ARID1B: variants seen among roughly 807,000 people sequenced by gnomAD.
ARID1B encodes the protein AT-rich interactive domain-containing protein 1B.
In ARID1B, 30 loss-of-function variants were observed where a neutral mutation model predicts 212.3. That is an observed-to-expected ratio of 0.14 (90% CI 0.11 to 0.19). The LOEUF is 0.19. ARID1B is among the 10% of genes least tolerant of loss of function. The pLI, the probability that ARID1B is intolerant of heterozygous loss-of-function variation, is 1.00. For synonymous variants in ARID1B, 1,402 were observed against 1,301.7 expected (o/e 1.08, Z -1.66); for missense variants, 2,891 against 3,204.0 (o/e 0.90, Z 2.36).
chr6:157,128,116 G>T (rs917485786), intron 6 of ARID1B, among the ~76,000 whole-genome samples: 1 of 152,088 alleles, frequency 6.6e-6, no homozygotes, highest in African/African-American at 2.4e-5. Flanking sequence ...GACATGCATC[G>T]TTTCTGTATT....
At position 157,133,145 on chromosome 6, in the gene ARID1B, G is replaced by A. The variant is rs748209235; in HGVS notation, c.2699G>A (p.Ser900Asn). ...PGGQMHAGIS[S>N]FQQSNSSGTY... ...GGCCAGATGCATGCTGGAATCAGTA[G>A]CTTTCAGCAGAGTAACTCAAGTGGG... Residue 900 changes from serine (S) to asparagine (N), a missense_variant, in exon 7 of 20, where the codon AGC (serine) becomes AAC (asparagine). Ser to Asn is a conservative substitution (Grantham distance 46). Coordinates refer to ENST00000636930, the MANE Select transcript of ARID1B (RefSeq NM_001374828.1). 5 of 1,614,156 alleles carry A rather than the reference G, an allele frequency of 3.1e-6. No individual in the cohort carries two copies. The highest frequency in any genetic ancestry group is 4.2e-6 in the Non-Finnish European group (5 of 1,180,036).
chr6:156,986,900 CG>C (rs990789451), intron 4 of ARID1B, among the ~76,000 whole-genome samples: 3 of 152,062 alleles, frequency 2.0e-5, no homozygotes, highest in African/African-American at 7.2e-5. Context: ...CAACATAGGC[CG>C]GGTGCGGTGG....
At chr6:156,833,768 T>G (rs1378070190) in intron 2 of ARID1B, among the ~76,000 whole-genome samples, 1 of 152,182 alleles carries the variant, frequency 6.6e-6, no homozygotes, top group East Asian at 1.9e-4. Context: ...TAAAAACAAT[T>G]CAAAACAGGT....
chr6:156,930,412 C>G (rs1249837444), intron 3 of ARID1B, among the ~76,000 whole-genome samples: 1 of 152,230 alleles, frequency 6.6e-6, no homozygotes, highest in East Asian at 1.9e-4. Flanking sequence ...GAAGCAGAAG[C>G]TGCCATGCTT....
chr6:157,073,306 G>A (rs962344773), intron 4 of ARID1B, among the ~76,000 whole-genome samples: 3 of 152,062 alleles, frequency 2.0e-5, no homozygotes, highest in Non-Finnish European at 4.4e-5. Context: ...GTTTCACCGT[G>A]TTGGCCAGGC....
intron 4 of ARID1B, among the ~76,000 whole-genome samples, chr6:157,012,584 A>G (rs1779680659): frequency 6.6e-6 from 1 of 152,214 alleles, no homozygotes; most frequent in African/African-American, 2.4e-5. Flanking sequence ...AGAAGACATT[A>G]TTGGGTTGGT....
intron 1 of ARID1B, among the ~76,000 whole-genome samples, chr6:156,787,625 A>T (rs2115135991): frequency 6.9e-6 from 1 of 145,396 alleles, no homozygotes; most frequent in South Asian, 2.1e-4. Flanking sequence ...TTTATAATAA[A>T]TTCACTCTAA....
intron 4 of ARID1B, among the ~76,000 whole-genome samples, chr6:157,018,672 C>T (rs903647687): frequency 6.6e-6 from 1 of 152,170 alleles, no homozygotes; most frequent in East Asian, 1.9e-4. Flanking sequence ...GTTTCCAGCA[C>T]ATCTCTTTCA....
intron 2 of ARID1B, among the ~76,000 whole-genome samples, chr6:156,865,606 C>G (rs1462183831): frequency 6.6e-6 from 1 of 152,050 alleles, no homozygotes; most frequent in Non-Finnish European, 1.5e-5. Flanking sequence ...TTTTTTATCT[C>G]CCTGTTCTCC....
At chr6:156,976,331 G>T in intron 4 of ARID1B, 1 of 163,020 alleles carries the variant, frequency 6.1e-6, no homozygotes, top group South Asian at 1.5e-4. Flanking sequence ...GCCGAAAAGA[G>T]GCAAACGCTA....
chr6:157,004,910 T>TTTTG (rs1779143906), intron 4 of ARID1B, among the ~76,000 whole-genome samples: 2 of 114,698 alleles, frequency 1.7e-5, no homozygotes, highest in African/African-American at 4.0e-5. Flanking sequence ...TTTTTTTTTT[T>TTTTG]TTTTTTTTTT....
chr6:156,951,237 C>T (rs1368736835), intron 4 of ARID1B, among the ~76,000 whole-genome samples: 1 of 152,060 alleles, frequency 6.6e-6, no homozygotes, highest in African/African-American at 2.4e-5. Flanking sequence ...AGCTGACTTA[C>T]AGTAAAACGT....
chr6:156,800,586 C>T (rs1460195377), intron 1 of ARID1B, among the ~76,000 whole-genome samples: 1 of 151,784 alleles, frequency 6.6e-6, no homozygotes, highest in African/African-American at 2.4e-5. Context: ...AATACTCCAT[C>T]TCAAAAGAAA....
chr6:156,893,777 A>T (rs1788154564), intron 2 of ARID1B, among the ~76,000 whole-genome samples: 2 of 152,216 alleles, frequency 1.3e-5, no homozygotes, highest in African/African-American at 2.4e-5. Flanking sequence ...TATTAAGAAA[A>T]ACCCAGAAAA....
At chr6:156,863,894 G>A (rs1022482030) in intron 2 of ARID1B, among the ~76,000 whole-genome samples, 1 of 152,196 alleles carries the variant, frequency 6.6e-6, no homozygotes, top group Admixed American at 6.5e-5. Context: ...AAAATTGGAT[G>A]TGTGGAGTGT....
chr6:156,978,848 T>C (rs1777427549), intron 4 of ARID1B, among the ~76,000 whole-genome samples: 1 of 152,246 alleles, frequency 6.6e-6, no homozygotes, highest in Non-Finnish European at 1.5e-5. Context: ...CATACTCTTT[T>C]AGCCTTCAAT....
rs145297474 is a variant in ARID1B, at chr6:157,087,985, T to A, written c.2491+3080T>A. Among the ~76,000 whole-genome samples, 799 of 152,310 alleles carry A rather than the reference T, an allele frequency of 5.2e-3. 15 individuals are homozygous for A. The highest frequency in any genetic ancestry group is 0.018 in the African/African-American group (763 of 41,564). Reference sequence around the variant, plus strand: ...CTTCTCTCAGATCATAGGCAAACATTTATGCTAGACCGCCTGCCTGCCACA... The same window carrying A: ...CTTCTCTCAGATCATAGGCAAACATATATGCTAGACCGCCTGCCTGCCACA... On this transcript the variant is annotated intron_variant, in intron 5 of 19. Transcript: ENST00000636930.
intron 4 of ARID1B, among the ~76,000 whole-genome samples, chr6:156,972,089 A>G (rs1776972267): frequency 6.6e-6 from 1 of 152,194 alleles, no homozygotes; most frequent in Admixed American, 6.5e-5. Flanking sequence ...TCTGTATTTA[A>G]ACTTTTTAAA....
In ARID1B at chr6:157,181,092, G is replaced by A. The variant is rs758353662; in HGVS notation, c.3628G>A (p.Val1210Ile). The change falls in exon 12 of 20, where the codon GTC (valine) becomes ATC (isoleucine). Residue 1210 changes from valine to isoleucine, a missense_variant. By Grantham distance (29) the Val-to-Ile change is conservative. Around this residue, in one of 7 missense-constraint regions of ARID1B, gnomAD observed 666 missense variants for 873.5 expected, o/e 0.76. Coordinates refer to ENST00000636930, the MANE Select transcript of ARID1B (RefSeq NM_001374828.1). ...LTFMEERGSPVSSLPAVGKKP... is the reference protein window; with the variant it reads ...LTFMEERGSPISSLPAVGKKP... ...CTTCATGGAAGAGAGAGGCTCTCCT[G>A]TCTCAAGTCTGCCTGCCGTGGGCAA... 15 of 1,614,076 alleles carry A rather than the reference G, an allele frequency of 9.3e-6. No individual in the cohort carries two copies. The highest frequency in any genetic ancestry group is 1.2e-5 in the Non-Finnish European group (14 of 1,180,050).
Sources: gnomAD v4.1 joint callset for allele counts (sites outside exome capture counted in the v4.1 genomes callset) on GRCh38, gnomAD v4.1.1 for gene constraint, gnomAD v4.1.1 regional missense constraint, MANE v1.5 for transcripts, NCBI Gene and HGNC (gene_info 2026-07-23, HGNC 2026-07-21) for gene names.